PRIMA1: variants seen among roughly 807,000 people sequenced by gnomAD.
The protein encoded by PRIMA1 is proline-rich membrane anchor 1.
Under a neutral mutation model 17.5 loss-of-function variants are expected in PRIMA1, and 7 were observed. That is an observed-to-expected ratio of 0.40 (90% confidence interval 0.23 to 0.75). PRIMA1 has a LOEUF of 0.75. Among genes scored for constraint, PRIMA1 ranks in the 30% least tolerant of loss-of-function variants. The pLI is 0.37. For missense variants in PRIMA1, 200 were observed against 201.8 expected, an observed-to-expected ratio of 0.99 and a Z score of 0.05; for synonymous variants, 97 against 77.9, an observed-to-expected ratio of 1.25 and a Z score of -1.29.
intron 2 of PRIMA1, among the ~76,000 whole-genome samples, chr14:93,785,271 A>T (rs1186491611): frequency 6.6e-6 from 1 of 151,892 alleles, no homozygotes; most frequent in African/African-American, 2.4e-5. Flanking sequence ...TCAATTCCAG[A>T]CACATTAAAG....
At chr14:93,753,247 C>CT (rs1483920333) in intron 3 of PRIMA1, among the ~76,000 whole-genome samples, 1 of 152,232 alleles carries the variant, frequency 6.6e-6, no homozygotes, top group African/African-American at 2.4e-5. Context: ...AGCCAACTGC[C>CT]TTCAGGATGA....
chr14:93,748,056 ATG>A (rs779880382), intron 3 of PRIMA1, among the ~76,000 whole-genome samples: 6 of 116,832 alleles, frequency 5.1e-5, no homozygotes, highest in East Asian at 4.4e-4. Flanking sequence ...GAGTGTGTGT[ATG>A]TGAGTGTGAA....
Position 93,779,583 on chromosome 14 carries a change from A to T in PRIMA1, c.94-272T>A, listed in dbSNP as rs540336737. ...GGATATGAATGAGAAGTAGACAAGA[A>T]CTTGAAGGTTAACTGGTAGAATTTC... On this transcript the variant is annotated intron_variant, in intron 2 of 4. Coordinates refer to ENST00000393140, the MANE Select transcript of PRIMA1 (RefSeq NM_178013.4). Among the ~76,000 whole-genome samples, 8 of 152,308 alleles carry T rather than the reference A, an allele frequency of 5.3e-5. No individual in the cohort carries two copies. In the South Asian group the frequency reaches 1.7e-3, roughly 32 times the overall value.
chr14:93,759,454 G>A (rs1192522884), intron 3 of PRIMA1, among the ~76,000 whole-genome samples: 1 of 152,164 alleles, frequency 6.6e-6, no homozygotes, highest in African/African-American at 2.4e-5. Flanking sequence ...AGCGAAGGGC[G>A]GGGCGGGGGG....
intron 2 of PRIMA1, among the ~76,000 whole-genome samples, chr14:93,784,398 G>A (rs547480184): frequency 1.3e-5 from 2 of 152,014 alleles, no homozygotes; most frequent in Non-Finnish European, 2.9e-5. Context: ...GAATTCCTGG[G>A]CTCAAGCAAT....
intron 1 of PRIMA1, 109 bp from the exon 2 acceptor site, chr14:93,787,858 G>T: frequency 7.6e-7 from 1 of 1,316,678 alleles, no homozygotes; most frequent in South Asian, 1.5e-5. Flanking sequence ...CCGCACCCAG[G>T]GGCACCCTAG....
chr14:93,785,237 C>T (rs953854446), intron 2 of PRIMA1, among the ~76,000 whole-genome samples: 2 of 146,278 alleles, frequency 1.4e-5, no homozygotes, highest in Admixed American at 1.4e-4. Context: ...TTAGAAGAAC[C>T]CTAAATCACA....
At chr14:93,770,237 C>G (rs1281050716) in intron 3 of PRIMA1, among the ~76,000 whole-genome samples, 2 of 152,242 alleles carry the variant, frequency 1.3e-5, no homozygotes, top group South Asian at 2.1e-4. Context: ...CTCCACTCTT[C>G]CCCTTCCTTC....
At chr14:93,773,882 TC>T (rs1428986347) in intron 3 of PRIMA1, among the ~76,000 whole-genome samples, 3 of 152,174 alleles carry the variant, frequency 2.0e-5, no homozygotes, top group South Asian at 2.1e-4. Flanking sequence ...TCACCTGAGG[TC>T]AGGAGTTTGA....
intron 3 of PRIMA1, among the ~76,000 whole-genome samples, chr14:93,762,991 T>C (rs1193074532): frequency 6.6e-6 from 1 of 152,132 alleles, no homozygotes; most frequent in Non-Finnish European, 1.5e-5. Context: ...TCTCTTCAGA[T>C]TGCCACCTGA....
chr14:93,763,129 T>G (rs1479135584), intron 3 of PRIMA1, among the ~76,000 whole-genome samples: 1 of 152,184 alleles, frequency 6.6e-6, no homozygotes, highest in Non-Finnish European at 1.5e-5. Context: ...TGCCAGCATA[T>G]GAACTCAGGA....
At chr14:93,770,652 C>T (rs992376139) in intron 3 of PRIMA1, among the ~76,000 whole-genome samples, 1 of 152,176 alleles carries the variant, frequency 6.6e-6, no homozygotes, top group Admixed American at 6.6e-5. Context: ...ATCTCTGTAG[C>T]ATGTTATCTT....
intron 3 of PRIMA1, among the ~76,000 whole-genome samples, chr14:93,778,004 G>A (rs1323232512): frequency 2.0e-5 from 3 of 152,232 alleles, no homozygotes; most frequent in Admixed American, 2.0e-4. Context: ...GCAGGCCCAG[G>A]GATTCTTTCA....
chr14:93,775,864 C>T (rs886222996), intron 3 of PRIMA1, among the ~76,000 whole-genome samples: 1 of 152,234 alleles, frequency 6.6e-6, no homozygotes, highest in African/African-American at 2.4e-5. Flanking sequence ...TCTCCCTGAG[C>T]CTCTATCCAC....
intron 3 of PRIMA1, among the ~76,000 whole-genome samples, chr14:93,772,006 C>T (rs956471123): frequency 6.6e-6 from 1 of 152,166 alleles, no homozygotes; most frequent in African/African-American, 2.4e-5. Flanking sequence ...CTCTGAGCTC[C>T]GCATAAAAAT....
rs564318689 is a variant in PRIMA1 at position 93,718,516 on chromosome 14, G to C, written c.*2928C>G. 6.6e-6 allele frequency: 1 copy of C among 152,508 alleles called. No homozygotes were observed. The highest frequency in any genetic ancestry group is 1.9e-4 in the East Asian group (1 of 5,178). 9.4% of individuals were successfully genotyped at this position (152,508 alleles called of 1,614,324 possible). ...CAACTGTCCTCTCTCCAGTACACGC[G>C]GCACGTTGCTAAGAAGGCAGATTTC... On this transcript the variant is annotated 3_prime_UTR_variant, in exon 5 of 5. Transcript: ENST00000393140.
At chr14:93,787,016 G>A (rs532127451) in intron 2 of PRIMA1, among the ~76,000 whole-genome samples, 81 of 135,236 alleles carry the variant, frequency 6.0e-4, no homozygotes, top group African/African-American at 2.0e-3. Context: ...GTGACGATGC[G>A]CATTCTGGGG....
Position 93,764,548 on chromosome 14 carries a change from C to T in PRIMA1, c.229+14628G>A, listed in dbSNP as rs76161493. Among the ~76,000 whole-genome samples the T allele has an allele frequency of 2.3e-3, 351 of 152,260 alleles. 1 individual carries two copies. Among genetic ancestry groups the T allele is most frequent in the African/African-American group, 8.2e-3 (339 of 41,552 alleles). Reference sequence around the variant, plus strand: ...ACCATGTCTTCTCCACTGCGTCATCCTCAGTCTGTGACCACAATGTAGTGC... The same window carrying T: ...ACCATGTCTTCTCCACTGCGTCATCTTCAGTCTGTGACCACAATGTAGTGC... On this transcript the variant is annotated intron_variant, in intron 3 of 4. Coordinates refer to ENST00000393140, the MANE Select transcript of PRIMA1 (RefSeq NM_178013.4).
At chr14:93,729,257 C>A (rs1028205531) in intron 4 of PRIMA1, among the ~76,000 whole-genome samples, 5 of 152,244 alleles carry the variant, frequency 3.3e-5, no homozygotes, top group Non-Finnish European at 7.3e-5. Flanking sequence ...CACTTGCCCT[C>A]AGGAGGCCCT....
Sources: allele counts gnomAD v4.1 joint callset (sites outside exome capture counted in the v4.1 genomes callset), GRCh38; gene constraint gnomAD v4.1.1; transcripts MANE v1.5; gene names NCBI Gene and HGNC (gene_info 2026-07-23, HGNC 2026-07-21).